Variants in CLEC4F observed in about 807,000 individuals in gnomAD.
CLEC4F encodes the protein C-type (calcium dependent, carbohydrate-recognition domain) lectin, superfamily member 13.
In CLEC4F, 45 loss-of-function variants were observed where a neutral mutation model predicts 53.4. The observed-to-expected ratio is 0.84, with a 90% CI of 0.66 to 1.08. The LOEUF is 1.08. Among genes scored for constraint, CLEC4F ranks in the 50% least tolerant of loss-of-function variants. The pLI is 0.00. For synonymous variants in CLEC4F, 245 were observed against 257.5 expected (o/e 0.95, Z 0.46); for missense variants, 753 against 698.2 (o/e 1.08, Z -0.88).
Position 70,819,859 on chromosome 2 carries a change from G to A in CLEC4F, c.94C>T (p.Pro32Ser), listed in dbSNP as rs987166560. The change falls in exon 2 of 7, where the codon CCC becomes TCC. Residue 32 changes from proline (P) to serine (S), a missense_variant. Coordinates refer to ENST00000272367, the MANE Select transcript of CLEC4F (RefSeq NM_173535.3). ...GCCTGAACGAGCCTCGGTATCTTGGGGGCTGCAGGAGCCATTGCCACAGAG... is the reference window on the plus strand; with the variant it reads ...GCCTGAACGAGCCTCGGTATCTTGGAGGCTGCAGGAGCCATTGCCACAGAG... ...VDSVAMAPAA[P>S]KIPRLVQATP... The A allele has an allele frequency of 1.9e-6, 3 of 1,604,948 alleles. No homozygotes were observed. Among genetic ancestry groups the A allele is most frequent in the Non-Finnish European group, 2.6e-6 (3 of 1,176,144 alleles).
chr2:70,823,230 T>C (rs1677270968), upstream of CLEC4F, among the ~76,000 whole-genome samples: 2 of 152,112 alleles, frequency 1.3e-5, no homozygotes, highest in South Asian at 4.2e-4. Context: ...AAACTGACCT[T>C]AGAGAGGAGG....
At chr2:70,824,622 C>CAAAAAAAAAAAAA (rs1180721472), upstream of CLEC4F, among the ~76,000 whole-genome samples, 6 of 38,768 alleles carry the variant, frequency 1.5e-4, no homozygotes, top group Non-Finnish European at 1.8e-4. Context: ...GCTTAGTTAC[C>CAAAAAAAAAAAAA]AAAAAAAAAA....
At chr2:70,823,394 G>A (rs979769096), upstream of CLEC4F, among the ~76,000 whole-genome samples, 22 of 152,156 alleles carry the variant, frequency 1.4e-4, no homozygotes, top group African/African-American at 5.3e-4. Context: ...AGACACCCAG[G>A]GCTGGTGGCT....
Position 70,809,758 on chromosome 2 carries a change from T to C in CLEC4F, c.1639A>G (p.Asn547Asp), listed in dbSNP as rs1389997508. The change falls in exon 6 of 7, where the codon AAC (asparagine) becomes GAC (aspartate). Residue 547 changes from asparagine to aspartate, a missense_variant. By Grantham distance (23) the Asn-to-Asp change is conservative. Coordinates refer to ENST00000272367, the MANE Select transcript of CLEC4F (RefSeq NM_173535.3). ...ACTCACGCTTTGTTCTGGGCGGCGT[T>C]GAATGGTGTCCCATCTGTCCAGCGC... is the stretch of plus-strand genomic sequence containing the variant. ...SWRWTDGTPF[N>D]AAQNKAPGSK... The C allele has an allele frequency of 3.7e-6, 6 of 1,614,114 alleles. No homozygotes were observed. Among genetic ancestry groups the C allele is most frequent in the Non-Finnish European group, 5.1e-6 (6 of 1,179,964 alleles).
intron 3 of CLEC4F, among the ~76,000 whole-genome samples, chr2:70,817,925 A>G (rs1553396814): frequency 6.6e-6 from 1 of 152,220 alleles, no homozygotes; most frequent in Non-Finnish European, 1.5e-5. Context: ...CAGCCCCTTT[A>G]ATCTGCAAGG....
chr2:70,822,751 A>C (rs142189179), upstream of CLEC4F, among the ~76,000 whole-genome samples: 32 of 152,342 alleles, frequency 2.1e-4, no homozygotes, highest in African/African-American at 7.5e-4. Context: ...ACACCATCAT[A>C]GCAACTCTTA....
chr2:70,814,675 G>A (rs1430400750), intron 4 of CLEC4F, among the ~76,000 whole-genome samples: 2 of 152,004 alleles, frequency 1.3e-5, no homozygotes, highest in Non-Finnish European at 2.9e-5. Context: ...TTATAATTAC[G>A]AACAGAGTTG....
At chr2:70,823,816 G>T (rs1423661982), upstream of CLEC4F, among the ~76,000 whole-genome samples, 3 of 152,074 alleles carry the variant, frequency 2.0e-5, no homozygotes, top group South Asian at 6.2e-4. Context: ...ATCACTTGAG[G>T]CCAAGAGTTC....
At chr2:70,813,643 C>CTTTCTTTCTTTT (rs1676734930) in intron 4 of CLEC4F, among the ~76,000 whole-genome samples, 2 of 116,160 alleles carry the variant, frequency 1.7e-5, no homozygotes, top group South Asian at 2.7e-4. Context: ...TTCTTTCTTT[C>CTTTCTTTCTTTT]GCTCTCTCTC....
chr2:70,811,223 CA>C (rs1209381699), intron 5 of CLEC4F: 1 of 802,446 alleles, frequency 1.2e-6, no homozygotes, highest in African/African-American at 1.7e-5. Flanking sequence ...AGTTTGACAG[CA>C]AGTCCAATTA....
At chr2:70,813,645 C>CTTTCTTTCTTTCTTTCTTTCTT (rs1676735910) in intron 4 of CLEC4F, among the ~76,000 whole-genome samples, 1 of 16,650 alleles carries the variant, frequency 6.0e-5, no homozygotes, top group South Asian at 2.0e-3. Flanking sequence ...CTTTCTTTCG[C>CTTTCTTTCTTTCTTTCTTTCTT]TCTCTCTCTT....
intron 2 of CLEC4F, 152 bp downstream of exon 2, chr2:70,819,623 T>C (rs1318323378): frequency 2.0e-5 from 16 of 807,908 alleles, no homozygotes; most frequent in Non-Finnish European, 3.1e-5. Flanking sequence ...CCTTTATCTG[T>C]TCCCAGGGAA....
intron 4 of CLEC4F, among the ~76,000 whole-genome samples, chr2:70,813,852 T>C (rs1306652805): frequency 8.6e-5 from 13 of 152,018 alleles, no homozygotes; most frequent in African/African-American, 3.1e-4. Flanking sequence ...ATTTTTTTTG[T>C]ATTTTTAGTA....
rs781805654 is a variant in CLEC4F, at chr2:70,816,967, G to A, written c.414C>T (p.Leu138=). The A allele has an allele frequency of 1.1e-5, 17 of 1,613,926 alleles. No homozygotes were observed. The African/African-American group carries it at 1.2e-4, about 11-fold the overall frequency. ...CATTGGTGTTTCCCAGATGATCACC[G>A]AGCACCTGGAGCTGCGAATTGACAT... is the stretch of plus-strand genomic sequence containing the variant. ...VDNVNSQLQV[L]GDHLGNTNAD... The change falls in exon 4 of 7, where the codon CTC becomes CTT. Residue 138 remains leucine, a synonymous_variant. Coordinates refer to ENST00000272367, the MANE Select transcript of CLEC4F (RefSeq NM_173535.3).
intron 6 of CLEC4F, 114 bp downstream of exon 6, chr2:70,809,625 G>A (rs1267687562): frequency 3.7e-5 from 28 of 762,270 alleles, no homozygotes; most frequent in Admixed American, 1.9e-4. Flanking sequence ...CACCACACAC[G>A]TCACACACAC....
intron 5 of CLEC4F, chr2:70,811,020 A>G (rs1553394107): frequency 3.2e-6 from 2 of 617,438 alleles, no homozygotes; most frequent in Admixed American, 1.9e-5. Context: ...GTGTCACTAC[A>G]GATGATTCCT....
intron 5 of CLEC4F, 57 bp downstream of exon 5, chr2:70,812,390 A>G: frequency 5.6e-6 from 9 of 1,594,560 alleles, no homozygotes; most frequent in South Asian, 2.3e-5. Flanking sequence ...CCAAAACACC[A>G]AAGTCCCTTA....
upstream of CLEC4F, among the ~76,000 whole-genome samples, chr2:70,823,013 C>T (rs7575872): frequency 0.61 from 93,496 of 152,054 alleles, 29,212 homozygotes; most frequent in Middle Eastern, 0.7. Context: ...CTGTGCCATG[C>T]GTGGCTGATG....
chr2:70,816,962 T>C lies in CLEC4F; in HGVS notation c.419A>G (p.Asp140Gly), dbSNP rs1219159063. ...GTCAGCATTGGTGTTTCCCAGATGATCACCGAGCACCTGGAGCTGCGAATT... is the reference window on the plus strand; with the variant it reads ...GTCAGCATTGGTGTTTCCCAGATGACCACCGAGCACCTGGAGCTGCGAATT... ...NVNSQLQVLG[D>G]HLGNTNADIQ... The change falls in exon 4 of 7, where the codon GAT (aspartate) becomes GGT (glycine). Residue 140 changes from aspartate (D) to glycine (G), a missense_variant. Coordinates refer to ENST00000272367, the MANE Select transcript of CLEC4F (RefSeq NM_173535.3). 1.2e-6 allele frequency: 2 copies of C among 1,614,206 alleles called. No individual in the cohort carries two copies. The highest frequency in any genetic ancestry group is 1.7e-6 in the Non-Finnish European group (2 of 1,180,036).
Sources: allele counts gnomAD v4.1 joint callset (sites outside exome capture counted in the v4.1 genomes callset), GRCh38; gene constraint gnomAD v4.1.1; transcripts MANE v1.5; gene names NCBI Gene and HGNC (gene_info 2026-07-23, HGNC 2026-07-21).